ASPDH: variants seen among roughly 807,000 people sequenced by gnomAD.
The protein encoded by ASPDH is aspartate dehydrogenase domain containing, also known as aspartate dehydrogenase domain-containing protein.
A neutral mutation model predicts 30.5 loss-of-function variants in ASPDH; 25 were observed. That is an observed-to-expected ratio of 0.82 (90% CI 0.60 to 1.14). The LOEUF is 1.14. Among genes scored for constraint, ASPDH ranks in the 50% most tolerant of loss-of-function variants. ASPDH has a pLI of 0.00. For synonymous variants in ASPDH, 168 were observed against 156.3 expected (o/e 1.07, Z -0.56); for missense variants, 401 against 381.5 (o/e 1.05, Z -0.43).
In ASPDH at chr19:50,512,170, G is replaced by T. The variant is rs184745585; in HGVS notation, c.774C>A (p.Ser258=). Residue 258 remains serine, a synonymous_variant, in exon 6 of 7, where the codon TCC becomes TCA. Coordinates refer to ENST00000389208, the MANE Select transcript of ASPDH (RefSeq NM_001114598.2). The part of the protein sequence containing the change: ...NPAEPGAVTG[S]ATVTAFWQSL... ...TCTGCCAGAAGGCCGTGACGGTGGC[G>T]GAGCCGGTGACCGCGCCTGGCTCGG... 6.3e-7 allele frequency: 1 copy of T among 1,590,878 alleles called. No individual in the cohort carries two copies. The highest frequency in any genetic ancestry group is 1.1e-5 in the South Asian group (1 of 88,848).
At chr19:50,514,270 A>C (rs1388295723), upstream of ASPDH, among the ~76,000 whole-genome samples, 1 of 152,062 alleles carries the variant, frequency 6.6e-6, no homozygotes, top group Non-Finnish European at 1.5e-5. Flanking sequence ...CCTTGTCCTC[A>C]GGCGGCTAAG....
chr19:50,511,950 G>GTACAGAGACTCAGGGGACGCGGA (rs1979923353), intron 6 of ASPDH, 177 bp from the exon 7 acceptor site: 2 of 665,098 alleles, frequency 3.0e-6, no homozygotes, highest in Non-Finnish European at 2.5e-6. Flanking sequence ...TCAGAGGCGG[G>GTACAGAGACTCAGGGGACGCGGA]CACAAATGGA....
At chr19:50,514,385 C>A, upstream of ASPDH, 1 of 1,565,468 alleles carries the variant, frequency 6.4e-7, no homozygotes. Context: ...GCGGGTCCAA[C>A]CTCCCTAGCC....
In ASPDH at chr19:50,513,038, GT is replaced by G; in HGVS notation, c.198-28del. The G allele has an allele frequency of 6.3e-7, 1 of 1,580,042 alleles. No individual in the cohort carries two copies. Among genetic ancestry groups the G allele is most frequent in the South Asian group, 1.1e-5 (1 of 88,840 alleles). On this transcript the variant is annotated intron_variant, in intron 2 of 6. Transcript: ENST00000389208. The surrounding 1 kb of genome is among the most constrained non-coding windows in gnomAD (Gnocchi z 4.9). ...TGGGAGAGGGGAAAGAGGGCGGAGGGTCTTGGAGAGGTATTAGGCCTCTTCT... is the reference window on the plus strand; with the variant it reads ...TGGGAGAGGGGAAAGAGGGCGGAGGGCTTGGAGAGGTATTAGGCCTCTTCT...
Position 50,511,607 on chromosome 19 carries a change from G to C in ASPDH, c.*123C>G, listed in dbSNP as rs1199760346. On this transcript the variant is annotated 3_prime_UTR_variant, in exon 7 of 7. Transcript: ENST00000389208. ...ATCAGAGACGCCAGGCGGTGCGGGG[G>C]GAGGCAGCGGTGATCTTTACTGAGT... 1.9e-6 allele frequency: 1 copy of C among 513,152 alleles called. No individual in the cohort carries two copies. Among genetic ancestry groups the C allele is most frequent in the African/African-American group, 2.0e-5 (1 of 49,936 alleles). 31.8% of individuals were successfully genotyped at this position (513,152 alleles called of 1,614,324 possible).
upstream of ASPDH, chr19:50,514,364 C>T (rs960102284): frequency 7.0e-7 from 1 of 1,437,062 alleles, no homozygotes; most frequent in East Asian, 2.3e-5. Flanking sequence ...CCTCAATGTG[C>T]CCTTGCCTCA....
intron 6 of ASPDH, 180 bp downstream of exon 6, chr19:50,511,956 A>G (rs576102421): frequency 4.2e-6 from 3 of 713,922 alleles, no homozygotes; most frequent in Non-Finnish European, 6.7e-6. Context: ...GCGGGCACAA[A>G]TGGAGACATC....
In ASPDH at chr19:50,513,058, C is replaced by T; in HGVS notation, c.198-47G>A. 1 of 1,503,758 alleles carries T rather than the reference C, an allele frequency of 6.7e-7. No homozygotes were observed. The allele number at this position is 1,503,758 out of a possible 1,614,324, so 93.2% of individuals were successfully genotyped here. On this transcript the variant is annotated intron_variant, in intron 2 of 6. Coordinates refer to ENST00000389208, the MANE Select transcript of ASPDH (RefSeq NM_001114598.2). The surrounding 1 kb of genome is among the most constrained non-coding windows in gnomAD (Gnocchi z 4.9). ...GGAGGGTCTTGGAGAGGTATTAGGC[C>T]TCTTCTCCCCAAGGTTCCCTCCGAG...
upstream of ASPDH, chr19:50,514,441 C>T: frequency 3.1e-6 from 5 of 1,613,912 alleles, no homozygotes; most frequent in Non-Finnish European, 4.2e-6. Flanking sequence ...CGCCCCTGTC[C>T]ACAGCCTCCC....
At position 50,513,557 on chromosome 19, in the gene ASPDH, G is replaced by A; in HGVS notation, c.53-141C>T. 1 of 918,004 alleles carries A rather than the reference G, an allele frequency of 1.1e-6. No homozygotes were observed. The highest frequency in any genetic ancestry group is 1.6e-6 in the Non-Finnish European group (1 of 614,640). The allele number at this position is 918,004 out of a possible 1,614,324, so 56.9% of individuals were successfully genotyped here. ...TGCGGGGTAGGGAGACAGAGATGGG[G>A]GCAGGGCAGAGACACAGTGGGGTGG... On this transcript the variant is annotated intron_variant, in intron 1 of 6. Coordinates refer to ENST00000389208, the MANE Select transcript of ASPDH (RefSeq NM_001114598.2). This position sits in a 1 kb window ranked among gnomAD's most constrained non-coding sequence, Gnocchi z 4.9.
rs750017100 is a variant in ASPDH, at chr19:50,512,264, A to G, written c.680T>C (p.Val227Ala). 6.2e-6 allele frequency: 10 copies of G among 1,613,390 alleles called. No homozygotes were observed. Among genetic ancestry groups the G allele is most frequent in the South Asian group, 4.4e-5 (4 of 91,088 alleles). The change falls in exon 6 of 7, where the codon GTA becomes GCA. Residue 227 changes from valine to alanine, a missense_variant. Transcript: ENST00000389208. ...TSLTDMHVVDVELSGPRGPTG... is the reference protein window; with the variant it reads ...TSLTDMHVVDAELSGPRGPTG... ...GGGGCCCCGGGGTCCGCTCAGCTCT[A>G]CATCCACCACGTGCATGTCCGTGAG...
chr19:50,512,456 A>G lies in ASPDH; in HGVS notation c.557T>C (p.Phe186Ser). The G allele has an allele frequency of 6.2e-7, 1 of 1,606,770 alleles. No homozygotes were observed. Among genetic ancestry groups the G allele is most frequent in the Non-Finnish European group, 8.5e-7 (1 of 1,176,900 alleles). The change falls in exon 5 of 7, where the codon TTT becomes TCT. Residue 186 changes from phenylalanine to serine, a missense_variant. Transcript: ENST00000389208. ...CATGGTGTTGGAATTTCGCGGGGCA[A>G]AGGGGCAGAGCCCACGGACAGGGCC... ...YEGPVRGLCP[F>S]APRNSNTMAA...
chr19:50,513,036 G>C lies in ASPDH; in HGVS notation c.198-25C>G, dbSNP rs1374457871. 2 of 1,587,036 alleles carry C rather than the reference G, an allele frequency of 1.3e-6. No individual in the cohort carries two copies. Among genetic ancestry groups the C allele is most frequent in the Non-Finnish European group, 1.7e-6 (2 of 1,159,990 alleles). On this transcript the variant is annotated intron_variant, in intron 2 of 6. Coordinates refer to ENST00000389208, the MANE Select transcript of ASPDH (RefSeq NM_001114598.2). This position sits in a 1 kb window ranked among gnomAD's most constrained non-coding sequence, Gnocchi z 4.9. Reference sequence around the variant, plus strand: ...CCTGGGAGAGGGGAAAGAGGGCGGAGGGTCTTGGAGAGGTATTAGGCCTCT... The same window carrying C: ...CCTGGGAGAGGGGAAAGAGGGCGGACGGTCTTGGAGAGGTATTAGGCCTCT...
intron 6 of ASPDH, 66 bp downstream of exon 6, chr19:50,512,070 G>A: frequency 7.4e-7 from 1 of 1,359,562 alleles, no homozygotes. Flanking sequence ...ACTAGTGAGA[G>A]CCCGGGACCC....
chr19:50,513,065 C>A lies in ASPDH; in HGVS notation c.198-54G>T. 6.9e-7 allele frequency: 1 copy of A among 1,457,000 alleles called. No homozygotes were observed. The highest frequency in any genetic ancestry group is 1.3e-5 in the South Asian group (1 of 79,968). The allele number at this position is 1,457,000 out of a possible 1,614,324, so 90.3% of individuals were successfully genotyped here. ...CTTGGAGAGGTATTAGGCCTCTTCT[C>A]CCCAAGGTTCCCTCCGAGTCTACTG... On this transcript the variant is annotated intron_variant, in intron 2 of 6. Coordinates refer to ENST00000389208, the MANE Select transcript of ASPDH (RefSeq NM_001114598.2). This position sits in a 1 kb window ranked among gnomAD's most constrained non-coding sequence, Gnocchi z 4.9.
rs1467845789 is a variant in ASPDH at position 50,512,281 on chromosome 19, G to T, written c.663C>A (p.Asp221Glu). The T allele has an allele frequency of 5.0e-6, 8 of 1,613,674 alleles. No individual in the cohort carries two copies. The East Asian group carries it at 1.8e-4, about 36-fold the overall frequency. ...TCAGCTCTACATCCACCACGTGCAT[G>T]TCCGTGAGGCTGGGACAAGAGGGGC... ...GVLVADTSLT[D>E]MHVVDVELSG... is the part of the protein sequence containing the mutation. Residue 221 changes from aspartate to glutamate, a missense_variant, in exon 6 of 7, where the codon GAC becomes GAA. Asp to Glu is a conservative substitution (Grantham distance 45). Coordinates refer to ENST00000389208, the MANE Select transcript of ASPDH (RefSeq NM_001114598.2).
At chr19:50,514,236 T>C (rs1276195738), upstream of ASPDH, among the ~76,000 whole-genome samples, 1 of 152,170 alleles carries the variant, frequency 6.6e-6, no homozygotes, top group Non-Finnish European at 1.5e-5. Flanking sequence ...GGGCTCTGTC[T>C]GTCCCCTCGT....
chr19:50,513,886 C>G lies in ASPDH; in HGVS notation c.-63G>C. The G allele has an allele frequency of 6.6e-7, 1 of 1,522,474 alleles. No individual in the cohort carries two copies. The highest frequency in any genetic ancestry group is 1.4e-5 in the African/African-American group (1 of 72,102). 94.3% of individuals were successfully genotyped at this position (1,522,474 alleles called of 1,614,324 possible). ...CTGCTCGCTGCCCGCTGCACAAGGC[C>G]TGGGCAGCCGCTGCTCTTTGGACAT... On this transcript the variant is annotated 5_prime_UTR_variant, in exon 1 of 7. Transcript: ENST00000389208. The surrounding 1 kb of genome is among the most constrained non-coding windows in gnomAD (Gnocchi z 4.9).
At position 50,513,650 on chromosome 19, in the gene ASPDH, C is replaced by T; in HGVS notation, c.52+122G>A. 1.2e-6 allele frequency: 1 copy of T among 844,532 alleles called. No homozygotes were observed. Among genetic ancestry groups the T allele is most frequent in the Non-Finnish European group, 1.9e-6 (1 of 529,836 alleles). The allele number at this position is 844,532 out of a possible 1,614,324, so 52.3% of individuals were successfully genotyped here. The stretch of plus-strand genomic sequence containing the variant: ...AGACCTGGGGTGGGGGTGCAGTGGG[C>T]AGACCCAGAGACACAGCCAGGGGCA... On this transcript the variant is annotated intron_variant, in intron 1 of 6. Coordinates refer to ENST00000389208, the MANE Select transcript of ASPDH (RefSeq NM_001114598.2). This position sits in a 1 kb window ranked among gnomAD's most constrained non-coding sequence, Gnocchi z 4.9.
Sources: gnomAD v4.1 joint callset for allele counts (sites outside exome capture counted in the v4.1 genomes callset) on GRCh38, gnomAD v4.1.1 for gene constraint, Gnocchi (gnomAD v3.1) non-coding constraint, MANE v1.5 for transcripts, NCBI Gene and HGNC (gene_info 2026-07-23, HGNC 2026-07-21) for gene names.